Variants in TDRD9 observed in about 807,000 individuals in gnomAD.
The protein encoded by TDRD9 is ATP-dependent RNA helicase TDRD9.
A neutral mutation model predicts 172.6 loss-of-function variants in TDRD9; 124 were observed. That is an observed-to-expected ratio of 0.72 (90% CI 0.62 to 0.83). The LOEUF is 0.83. TDRD9 is among the 40% of genes least tolerant of loss of function. TDRD9 has a pLI of 0.00. For synonymous variants in TDRD9, 619 were observed against 617.1 expected (o/e 1.00, Z -0.05); for missense variants, 1,479 against 1,714.1 (o/e 0.86, Z 2.42).
At chr14:103,966,853 T>C in intron 5 of TDRD9, 22 bp downstream of exon 5, 6 of 1,543,928 alleles carry the variant, frequency 3.9e-6, no homozygotes, top group Non-Finnish European at 5.2e-6. Context: ...CATCTACTTG[T>C]AAAGGTCATA....
At chr14:104,036,459 C>T (rs1212064158) in intron 32 of TDRD9, among the ~76,000 whole-genome samples, 1 of 152,184 alleles carries the variant, frequency 6.6e-6, no homozygotes, top group Non-Finnish European at 1.5e-5. Context: ...GGGATGATCT[C>T]ATGAGCAAAT....
intron 2 of TDRD9, among the ~76,000 whole-genome samples, chr14:103,960,135 C>T (rs2032439531): frequency 1.3e-5 from 2 of 152,166 alleles, no homozygotes; most frequent in South Asian, 2.1e-4. Context: ...ATATAATTAT[C>T]TATTTGGAAG....
At chr14:103,983,056 CTTTTTTTTTTT>C (rs397853010) in intron 7 of TDRD9, among the ~76,000 whole-genome samples, 5 of 87,642 alleles carry the variant, frequency 5.7e-5, no homozygotes, top group African/African-American at 1.4e-4. Context: ...CTGTGGGTCA[CTTTTTTTTTTT>C]TTTTTTTTTT....
chr14:104,003,353 G>C (rs2034325669), intron 13 of TDRD9, among the ~76,000 whole-genome samples: 1 of 152,156 alleles, frequency 6.6e-6, no homozygotes, highest in Non-Finnish European at 1.5e-5. Flanking sequence ...AAAAGACAAA[G>C]GGTAGATTTA....
intron 34 of TDRD9, among the ~76,000 whole-genome samples, chr14:104,048,168 T>G (rs1194761556): frequency 6.6e-6 from 1 of 152,234 alleles, no homozygotes; most frequent in East Asian, 1.9e-4. Context: ...AAGTGCCTAG[T>G]CTTAACCTGT....
intron 23 of TDRD9, 107 bp downstream of exon 23, chr14:104,018,299 T>C (rs921150555): frequency 3.0e-6 from 2 of 671,636 alleles, no homozygotes; most frequent in Non-Finnish European, 5.0e-6. Context: ...TGGGTCCTCC[T>C]ATGGGCTGCT....
intron 2 of TDRD9, among the ~76,000 whole-genome samples, chr14:103,961,925 T>C (rs1303712405): frequency 6.6e-6 from 1 of 152,144 alleles, no homozygotes; most frequent in Non-Finnish European, 1.5e-5. Flanking sequence ...AACAAGGGGC[T>C]GATAGGAAGG....
chr14:103,997,001 C>A lies in TDRD9; in HGVS notation c.1378+1194C>A, dbSNP rs948233706. 1.3e-5 allele frequency among the ~76,000 whole-genome samples: 2 copies of A among 152,142 alleles called. No homozygotes were observed. The highest frequency in any genetic ancestry group is 2.4e-5 in the African/African-American group (1 of 41,436). On this transcript the variant is annotated intron_variant, in intron 12 of 35. Coordinates refer to ENST00000409874, the MANE Select transcript of TDRD9 (RefSeq NM_153046.3). This position sits in a 1 kb window ranked among gnomAD's most constrained non-coding sequence, Gnocchi z 5.1. The stretch of plus-strand genomic sequence containing the variant: ...GCACCATCAAGCAAGGAGGCCAGGG[C>A]AGCTGGACCAGTGTGAACGAAGGGG...
chr14:104,017,359 C>T (rs1456677026), intron 22 of TDRD9, among the ~76,000 whole-genome samples: 1 of 152,220 alleles, frequency 6.6e-6, no homozygotes, highest in Non-Finnish European at 1.5e-5. Context: ...CTCTGAGCCT[C>T]ACTCCACCCT....
chr14:103,976,329 AG>A (rs2033241385), intron 7 of TDRD9, among the ~76,000 whole-genome samples: 1 of 148,624 alleles, frequency 6.7e-6, no homozygotes, highest in African/African-American at 2.5e-5. Context: ...GCTGGAGTGC[AG>A]TGGCGCGATC....
chr14:104,016,849 G>C (rs567796679), intron 22 of TDRD9, among the ~76,000 whole-genome samples: 132 of 152,200 alleles, frequency 8.7e-4, no homozygotes, highest in African/African-American at 3.1e-3. Context: ...ATTTTATCCT[G>C]GTTATTGTTA....
chr14:103,985,238 G>A (rs969428517), intron 7 of TDRD9, among the ~76,000 whole-genome samples: 6 of 152,102 alleles, frequency 3.9e-5, no homozygotes, highest in African/African-American at 1.4e-4. Flanking sequence ...AGAATGATAT[G>A]GTTTAGCTGT....
chr14:103,933,350 G>A (rs1428695368), intron 1 of TDRD9, among the ~76,000 whole-genome samples: 1 of 152,126 alleles, frequency 6.6e-6, no homozygotes, highest in Non-Finnish European at 1.5e-5. Flanking sequence ...GCTTTCTGCC[G>A]TGTACTTTCC....
chr14:104,038,881 G>C lies in TDRD9; in HGVS notation c.3717-1315G>C, dbSNP rs562295787. On this transcript the variant is annotated intron_variant, in intron 32 of 35. Transcript: ENST00000409874. The stretch of plus-strand genomic sequence containing the variant: ...GAAGGGGTTTCGCCCTGTTGGCCAG[G>C]CTTGTCTCAAACTCTTGGCCTCAAG... 7.2e-5 allele frequency among the ~76,000 whole-genome samples: 11 copies of C among 152,260 alleles called. 1 individual carries two copies. In the South Asian group the frequency reaches 2.3e-3, roughly 32 times the overall value.
At chr14:104,023,196 A>T (rs2152241629) in intron 24 of TDRD9, among the ~76,000 whole-genome samples, 1 of 150,192 alleles carries the variant, frequency 6.7e-6, no homozygotes, top group East Asian at 1.9e-4. Context: ...AAAAAAAAAA[A>T]AAAAAAAAAA....
chr14:103,945,711 A>C (rs1394514349), intron 1 of TDRD9, among the ~76,000 whole-genome samples: 2 of 152,198 alleles, frequency 1.3e-5, no homozygotes, highest in East Asian at 3.8e-4. Context: ...CTAAGTATTA[A>C]ATTTTATAAG....
chr14:104,014,043 C>T (rs894702612), intron 20 of TDRD9: 3 of 152,124 alleles, frequency 2.0e-5, no homozygotes, highest in African/African-American at 7.2e-5. Context: ...TCCTGGCTAA[C>T]ACGGTGAAAC....
At chr14:104,031,399 C>G (rs1173545740) in intron 29 of TDRD9, 136 bp downstream of exon 29, 4 of 725,190 alleles carry the variant, frequency 5.5e-6, no homozygotes, top group Non-Finnish European at 8.6e-6. Flanking sequence ...CACAATTGAT[C>G]CTCTTATAAT....
chr14:104,010,020 A>G (rs185492787), intron 20 of TDRD9, among the ~76,000 whole-genome samples: 1 of 146,926 alleles, frequency 6.8e-6, no homozygotes, highest in African/African-American at 2.5e-5. Context: ...GTCTCGGCTC[A>G]CTGTAACCTC....
Sources: allele counts gnomAD v4.1 joint callset (sites outside exome capture counted in the v4.1 genomes callset), GRCh38; gene constraint gnomAD v4.1.1; non-coding constraint Gnocchi (gnomAD v3.1); transcripts MANE v1.5; gene names NCBI Gene and HGNC (gene_info 2026-07-23, HGNC 2026-07-21).